ZFYVE28: variants seen among roughly 807,000 people sequenced by gnomAD.
ZFYVE28 encodes the protein lateral signaling target protein 2 homolog.
In ZFYVE28, 40 loss-of-function variants were observed where a neutral mutation model predicts 82.1. The ratio of observed to expected loss-of-function variants is 0.49; its 90% CI spans 0.38 to 0.63. ZFYVE28 has a LOEUF of 0.63. ZFYVE28 is among the 30% of genes least tolerant of loss of function. ZFYVE28 has a pLI of 0.00. For missense variants in ZFYVE28, 1,321 were observed against 1,242.1 expected (o/e 1.06, Z -0.96); for synonymous variants, 612 against 546.1 (o/e 1.12, Z -1.68).
chr4:2,297,548 G>T (rs187361528), intron 8 of ZFYVE28, among the ~76,000 whole-genome samples: 1 of 152,244 alleles, frequency 6.6e-6, no homozygotes, highest in Non-Finnish European at 1.5e-5. Flanking sequence ...AGCTGTCACC[G>T]CCAGAAGAGC....
intron 2 of ZFYVE28, among the ~76,000 whole-genome samples, chr4:2,349,481 A>C (rs1724045567): frequency 6.6e-6 from 1 of 152,150 alleles, no homozygotes; most frequent in Non-Finnish European, 1.5e-5. Flanking sequence ...ACTAACCTGC[A>C]CATTGTGCAC....
intron 1 of ZFYVE28, among the ~76,000 whole-genome samples, chr4:2,386,514 G>T (rs77433861): frequency 0.021 from 3,146 of 152,262 alleles, 120 homozygotes; most frequent in African/African-American, 0.068. Flanking sequence ...CCTTTAAGAG[G>T]TGACTGACTG....
At position 2,304,878 on chromosome 4, in the gene ZFYVE28, G is replaced by A; in HGVS notation, c.1462C>T (p.Leu488=). 1 of 1,612,700 alleles carries A rather than the reference G, an allele frequency of 6.2e-7. No individual in the cohort carries two copies. The highest frequency in any genetic ancestry group is 8.5e-7 in the Non-Finnish European group (1 of 1,179,870). Residue 488 remains leucine, a synonymous_variant, in exon 8 of 13, where the codon CTG becomes TTG. Coordinates refer to ENST00000290974, the MANE Select transcript of ZFYVE28 (RefSeq NM_020972.3). ...TCCGCACCCACCTCCCAGCCGTCCAGGTGCAGCCGCGAGTCCAGGCAGCTG... is the reference window on the plus strand; with the variant it reads ...TCCGCACCCACCTCCCAGCCGTCCAAGTGCAGCCGCGAGTCCAGGCAGCTG... The part of the protein sequence containing the change: ...SCSCLDSRLH[L]DGWEVGADDA...
chr4:2,335,893 G>A lies in ZFYVE28; in HGVS notation c.612-99C>T. On this transcript the variant is annotated intron_variant, in intron 5 of 12. Coordinates refer to ENST00000290974, the MANE Select transcript of ZFYVE28 (RefSeq NM_020972.3). This position sits in a 1 kb window ranked among gnomAD's most constrained non-coding sequence, Gnocchi z 5.8. ...CAGGCAGTGCGCTCAATCTGTACCT[G>A]CAGCCACGCGTGGTGGCCACGTCAA... 1 of 974,968 alleles carries A rather than the reference G, an allele frequency of 1.0e-6. No homozygotes were observed. The highest frequency in any genetic ancestry group is 2.0e-5 in the Admixed American group (1 of 49,780). The allele number at this position is 974,968 out of a possible 1,614,324, so 60.4% of individuals were successfully genotyped here.
intron 7 of ZFYVE28, among the ~76,000 whole-genome samples, chr4:2,309,571 T>G (rs1312995816): frequency 6.9e-6 from 1 of 145,530 alleles, no homozygotes; most frequent in East Asian, 1.9e-4. Flanking sequence ...GATCACGTTA[T>G]CTACATAAAA....
In ZFYVE28 at chr4:2,395,287, G is replaced by A. The variant is rs145772140; in HGVS notation, c.39+22998C>T. ...TTTCTTTACTCGACTAATAAGAGAG[G>A]AATTCAGACATGCTACCTAACATTT... On this transcript the variant is annotated intron_variant, in intron 1 of 12. Coordinates refer to ENST00000290974, the MANE Select transcript of ZFYVE28 (RefSeq NM_020972.3). Among the ~76,000 whole-genome samples the A allele has an allele frequency of 1.2e-4, 18 of 152,174 alleles. 1 individual carries two copies. Among genetic ancestry groups the A allele is most frequent in the African/African-American group, 3.6e-4 (15 of 41,518 alleles).
chr4:2,276,719 G>A (rs1400103376), intron 8 of ZFYVE28, among the ~76,000 whole-genome samples: 2 of 152,046 alleles, frequency 1.3e-5, no homozygotes, highest in African/African-American at 2.4e-5. Context: ...CAAAGGATGC[G>A]TCCTGCTTGA....
chr4:2,329,037 A>T (rs1442696432), intron 6 of ZFYVE28: 2 of 682,182 alleles, frequency 2.9e-6, no homozygotes, highest in Non-Finnish European at 2.7e-6. Flanking sequence ...AAGTTTTGAA[A>T]TCAGGACGTA....
intron 2 of ZFYVE28, among the ~76,000 whole-genome samples, chr4:2,345,479 A>G (rs1337233424): frequency 1.3e-5 from 2 of 152,084 alleles, no homozygotes; most frequent in African/African-American, 4.8e-5. Context: ...TCAGAAAAAA[A>G]GAAGAGTAAA....
intron 8 of ZFYVE28, chr4:2,295,995 G>C (rs1714508859): frequency 6.5e-6 from 1 of 152,708 alleles, no homozygotes; most frequent in Non-Finnish European, 1.5e-5. Flanking sequence ...CCAGAGGCTA[G>C]GGGAGAAGCT....
intron 8 of ZFYVE28, among the ~76,000 whole-genome samples, chr4:2,294,581 TA>T (rs761134068): frequency 2.6e-5 from 4 of 152,154 alleles, no homozygotes; most frequent in Non-Finnish European, 5.9e-5. Context: ...ATTCATAAAA[TA>T]AAAAATTGAT....
chr4:2,365,088 C>T (rs1365066019), intron 1 of ZFYVE28, among the ~76,000 whole-genome samples: 3 of 149,022 alleles, frequency 2.0e-5, no homozygotes, highest in Admixed American at 1.3e-4. Context: ...TGGGCCACCC[C>T]GCAGGCAGTG....
rs536477819 is a variant in ZFYVE28, at chr4:2,417,702, A to C, written c.39+583T>G. ...GGAGGCCGTTGGCAGGGCCATCAGG[A>C]TCCTCTCTGGACATGGAAGGACGGG... On this transcript the variant is annotated intron_variant, in intron 1 of 12. Coordinates refer to ENST00000290974, the MANE Select transcript of ZFYVE28 (RefSeq NM_020972.3). This position sits in a 1 kb window ranked among gnomAD's most constrained non-coding sequence, Gnocchi z 4.8. Among the ~76,000 whole-genome samples, 6 of 151,750 alleles carry C rather than the reference A, an allele frequency of 4.0e-5. No individual in the cohort carries two copies. The highest frequency in any genetic ancestry group is 1.5e-4 in the African/African-American group (6 of 41,238).
In ZFYVE28 at chr4:2,383,814, G is replaced by A. The variant is rs114159192; in HGVS notation, c.40-29741C>T. On this transcript the variant is annotated intron_variant, in intron 1 of 12. Coordinates refer to ENST00000290974, the MANE Select transcript of ZFYVE28 (RefSeq NM_020972.3). ...ATTCCTAAGAGACCCTGACAGACAA[G>A]GCTAAGGGCCTTTCTCTGTGTGTGG... 7.0e-4 allele frequency among the ~76,000 whole-genome samples: 107 copies of A among 152,300 alleles called. 2 individuals are homozygous for A. The highest frequency in any genetic ancestry group is 2.5e-3 in the African/African-American group (102 of 41,578).
At chr4:2,279,631 A>T (rs1391201166) in intron 8 of ZFYVE28, among the ~76,000 whole-genome samples, 1 of 151,948 alleles carries the variant, frequency 6.6e-6, no homozygotes, top group African/African-American at 2.4e-5. Flanking sequence ...TACAAAAAAA[A>T]TTAGCCAGGC....
chr4:2,272,508 G>GT (rs1736001206), intron 10 of ZFYVE28, among the ~76,000 whole-genome samples: 1 of 152,084 alleles, frequency 6.6e-6, no homozygotes, highest in Non-Finnish European at 1.5e-5. Flanking sequence ...GAGTGGGAGC[G>GT]TATGTGCACA....
intron 1 of ZFYVE28, among the ~76,000 whole-genome samples, chr4:2,378,075 C>G (rs1251119996): frequency 6.6e-6 from 1 of 152,214 alleles, no homozygotes; most frequent in Non-Finnish European, 1.5e-5. Flanking sequence ...CGCGGTGGCT[C>G]ACGCCTGTAA....
At position 2,308,683 on chromosome 4, in the gene ZFYVE28, G is replaced by GAAAGAAAAGAAAAGA. The variant is rs148489471; in HGVS notation, c.804-3162_804-3148dup. Among the ~76,000 whole-genome samples the GAAAGAAAAGAAAAGA allele has an allele frequency of 3.9e-3, 316 of 81,488 alleles. 7 individuals carry two copies. Among genetic ancestry groups the GAAAGAAAAGAAAAGA allele is most frequent in the African/African-American group, 0.015 (297 of 20,168 alleles). 53.5% of individuals were successfully genotyped at this position (81,488 alleles called of 152,430 possible). A position where few individuals can be genotyped will look rare whatever the true frequency, so the allele number is the denominator to read the frequency against. ...AAAGAAAGAAAGAAAGAAAGAGAAA[G>GAAAGAAAAGAAAAGA]AAAGAAAAGAAAAGAAAAGAAAAAA... On this transcript the variant is annotated intron_variant, in intron 7 of 12. Coordinates refer to ENST00000290974, the MANE Select transcript of ZFYVE28 (RefSeq NM_020972.3).
chr4:2,306,523 C>T (rs1342456403), intron 7 of ZFYVE28, among the ~76,000 whole-genome samples: 3 of 152,216 alleles, frequency 2.0e-5, no homozygotes, highest in African/African-American at 7.2e-5. Flanking sequence ...TCTCAGTCTA[C>T]ACTCTCTTGT....
Sources: allele counts gnomAD v4.1 joint callset (sites outside exome capture counted in the v4.1 genomes callset), GRCh38; gene constraint gnomAD v4.1.1; non-coding constraint Gnocchi (gnomAD v3.1); transcripts MANE v1.5; gene names NCBI Gene and HGNC (gene_info 2026-07-23, HGNC 2026-07-21).